Variants in DMD observed in about 807,000 individuals in gnomAD.
DMD encodes dystrophin, also known as mutant dystrophin.
In DMD, 63 loss-of-function variants were observed where a neutral mutation model predicts 330.1. The ratio of observed to expected loss-of-function variants is 0.19; its 90% CI spans 0.16 to 0.24. The LOEUF (loss-of-function observed/expected upper bound fraction) is 0.24. Among genes scored for constraint, DMD ranks in the 10% least tolerant of loss-of-function variants. DMD has a pLI of 1.00. For synonymous variants in DMD, 1,223 were observed against 959.8 expected (o/e 1.27, Z -5.07); for missense variants, 3,344 against 2,684.1 (o/e 1.25, Z -5.43).
At position 31,811,182 on chromosome X, in the gene DMD, T is replaced by A. The variant is rs1048469200; in HGVS notation, c.7309+8793A>T. Among the ~76,000 whole-genome samples, 3 of 112,228 alleles carry A rather than the reference T, an allele frequency of 2.7e-5. No individual in the cohort carries two copies. In the Admixed American group the frequency reaches 2.8e-4, roughly 11 times the overall value. ...GAAGAAAGGGAACTTCATCACAAAA[T>A]GGATAATTAACATCTAAATGCTGAA... is the stretch of plus-strand genomic sequence containing the variant. On this transcript the variant is annotated intron_variant, in intron 50 of 78. Coordinates refer to ENST00000357033, the MANE Select transcript of DMD (RefSeq NM_004006.3).
chrX:31,647,068 C>T (rs2080148107), intron 54 of DMD, among the ~76,000 whole-genome samples: 1 of 111,875 alleles, frequency 8.9e-6, no homozygotes, highest in African/African-American at 3.3e-5. Flanking sequence ...GCCTACCAGT[C>T]CAACTTGTTG....
At chrX:32,726,898 A>C (rs1294031432) in intron 7 of DMD, among the ~76,000 whole-genome samples, 6 of 110,379 alleles carry the variant, frequency 5.4e-5, no homozygotes, top group African/African-American at 2.0e-4. Context: ...CGTTTACTAG[A>C]TGTAGGAGCT....
intron 29 of DMD, among the ~76,000 whole-genome samples, chrX:32,426,721 T>C (rs748300487): frequency 1.4e-3 from 154 of 111,697 alleles, no homozygotes; most frequent in African/African-American, 4.8e-3. Context: ...ATGCCCTCCA[T>C]GGTAGACTAG....
intron 59 of DMD, among the ~76,000 whole-genome samples, chrX:31,448,615 A>G (rs896620516): frequency 8.9e-5 from 10 of 112,739 alleles, no homozygotes; most frequent in African/African-American, 3.2e-4. Context: ...GCTGAGCAAT[A>G]CGAGGTGCTA....
rs1018678011 is a variant in DMD at position 32,366,416 on chromosome X, G to C, written c.4846-1217C>G. Reference sequence around the variant, plus strand: ...CTGTGATTGGCACTCGAGTTGAAAAGCTATTTGCGAGTGGAGCTGATGTCT... The same window carrying C: ...CTGTGATTGGCACTCGAGTTGAAAACCTATTTGCGAGTGGAGCTGATGTCT... On this transcript the variant is annotated intron_variant, in intron 34 of 78. Transcript: ENST00000357033. Among the ~76,000 whole-genome samples the C allele has an allele frequency of 9.8e-5, 11 of 112,237 alleles. 1 individual carries two copies. The East Asian group carries it at 3.1e-3, about 31-fold the overall frequency.
chrX:32,311,565 T>TA (rs2148605439), intron 41 of DMD, among the ~76,000 whole-genome samples: 1 of 111,798 alleles, frequency 8.9e-6, no homozygotes, highest in African/African-American at 3.2e-5. Flanking sequence ...ATTAAATAAT[T>TA]ATACCTTTTA....
chrX:32,033,611 A>G (rs866501167), intron 44 of DMD, among the ~76,000 whole-genome samples: 16 of 49,148 alleles, frequency 3.3e-4, no homozygotes, highest in East Asian at 1.6e-3. Context: ...GACAGAAAGA[A>G]AGAAAGAAAG....
rs199510163 is a variant in DMD at position 31,483,086 on chromosome X, G to A, written c.8548-3983C>T. Among the ~76,000 whole-genome samples, 401 of 87,200 alleles carry A rather than the reference G, an allele frequency of 4.6e-3. 2 individuals carry two copies. The highest frequency in any genetic ancestry group is 6.6e-3 in the Non-Finnish European group (305 of 46,420). 75.7% of individuals were successfully genotyped at this position (87,200 alleles called of 115,157 possible). A position where few individuals can be genotyped will look rare whatever the true frequency, so the allele number is the denominator to read the frequency against. On this transcript the variant is annotated intron_variant, in intron 57 of 78. Transcript: ENST00000357033. Reference sequence around the variant, plus strand: ...TTTTGAGATGGAGTCTCGCTCTGTCGCCCAGGCTGGAGTGCAGTGGCGCAA... The same window carrying A: ...TTTTGAGATGGAGTCTCGCTCTGTCACCCAGGCTGGAGTGCAGTGGCGCAA...
intron 16 of DMD, among the ~76,000 whole-genome samples, chrX:32,564,427 C>G (rs1047772411): frequency 1.8e-5 from 2 of 111,650 alleles, no homozygotes; most frequent in Admixed American, 9.6e-5. Flanking sequence ...TAAAAAGTAT[C>G]AAATTGACTA....
chrX:33,059,715 A>G (rs1483941036), intron 1 of DMD, among the ~76,000 whole-genome samples: 1 of 111,629 alleles, frequency 9.0e-6, no homozygotes, highest in Non-Finnish European at 1.9e-5. Context: ...AAAGCAATGA[A>G]TTTCCTACAA....
At chrX:33,096,499 G>T (rs1381387823) in intron 1 of DMD, among the ~76,000 whole-genome samples, 9 of 106,004 alleles carry the variant, frequency 8.5e-5, no homozygotes, top group African/African-American at 3.1e-4. Flanking sequence ...TTTTGGAGAC[G>T]ACTTTTTTTT....
intron 44 of DMD, among the ~76,000 whole-genome samples, chrX:32,163,198 T>C (rs773327862): frequency 4.5e-5 from 5 of 111,738 alleles, no homozygotes; most frequent in African/African-American, 1.6e-4. Context: ...CCATACCCCA[T>C]TCATCAGCAA....
chrX:33,314,570 G>GTTTTTTTTTTTTTTT (rs1170142842), intron 1 of DMD, among the ~76,000 whole-genome samples: 1 of 79,051 alleles, frequency 1.3e-5, no homozygotes, highest in Non-Finnish European at 2.3e-5. Context: ...TTTTTTTTTT[G>GTTTTTTTTTTTTTTT]TTTTTTTTTT....
chrX:33,115,624 G>T (rs914314968), intron 1 of DMD, among the ~76,000 whole-genome samples: 6 of 107,598 alleles, frequency 5.6e-5, no homozygotes, highest in Non-Finnish European at 1.1e-4. Context: ...CCATTCTCCT[G>T]CCTCAGCCTC....
intron 16 of DMD, among the ~76,000 whole-genome samples, chrX:32,558,456 C>T (rs2050575847): frequency 9.0e-6 from 1 of 111,686 alleles, no homozygotes; most frequent in African/African-American, 3.3e-5. Context: ...ATAGGCGTAT[C>T]ATACAGATGC....
chrX:31,761,237 C>G (rs1448560537), intron 51 of DMD, among the ~76,000 whole-genome samples: 1 of 110,511 alleles, frequency 9.0e-6, no homozygotes, highest in African/African-American at 3.3e-5. Flanking sequence ...CACAAAACAG[C>G]TGAGATTATG....
At chrX:31,974,293 T>C (rs1318933797) in intron 44 of DMD, among the ~76,000 whole-genome samples, 1 of 110,632 alleles carries the variant, frequency 9.0e-6, no homozygotes, top group Non-Finnish European at 1.9e-5. Flanking sequence ...GCGCATTGGT[T>C]GAAAAACTAC....
intron 2 of DMD, among the ~76,000 whole-genome samples, chrX:32,949,349 GATAGA>G (rs1569545099): frequency 7.1e-4 from 43 of 60,777 alleles, no homozygotes; most frequent in East Asian, 1.9e-3. Flanking sequence ...TAGGTAGATA[GATAGA>G]TAGATAGATA....
rs1325399971 is a variant in DMD, at chrX:31,696,910, A to C, written c.7661-17324T>G. Among the ~76,000 whole-genome samples, 4 of 112,530 alleles carry C rather than the reference A, an allele frequency of 3.6e-5. No homozygotes were observed. In the Admixed American group the frequency reaches 3.8e-4, roughly 11 times the overall value. Reference sequence around the variant, plus strand: ...AATCAAGCAGCTATTCTGCTATTTAATAAAAGAAACAAAGCAGTACAATTG... The same window carrying C: ...AATCAAGCAGCTATTCTGCTATTTACTAAAAGAAACAAAGCAGTACAATTG... On this transcript the variant is annotated intron_variant, in intron 52 of 78. Coordinates refer to ENST00000357033, the MANE Select transcript of DMD (RefSeq NM_004006.3).
Sources: allele counts gnomAD v4.1 joint callset (sites outside exome capture counted in the v4.1 genomes callset), GRCh38; gene constraint gnomAD v4.1.1; transcripts MANE v1.5; gene names NCBI Gene and HGNC (gene_info 2026-07-23, HGNC 2026-07-21).